Variants in LY86 observed in about 807,000 individuals in gnomAD.
LY86 encodes MD-1, RP105-associated.
A neutral mutation model predicts 17.3 loss-of-function variants in LY86; 20 were observed. The ratio of observed to expected loss-of-function variants is 1.15; its 90% CI spans 0.81 to 1.68. The LOEUF is 1.68. LY86 is among the 40% of genes most tolerant of loss of function. LY86 has a pLI of 0.00. For missense variants in LY86, 200 were observed against 191.9 expected (o/e 1.04, Z -0.25); for synonymous variants, 74 against 70.6 (o/e 1.05, Z -0.24).
intron 1 of LY86, among the ~76,000 whole-genome samples, chr6:6,606,519 A>G (rs1001664144): frequency 2.5e-4 from 38 of 152,184 alleles, no homozygotes; most frequent in African/African-American, 7.5e-4. Flanking sequence ...GCCGTGTAGC[A>G]GGGGGCGGCG....
intron 1 of LY86, among the ~76,000 whole-genome samples, chr6:6,618,734 C>T (rs375351732): frequency 9.2e-5 from 14 of 152,112 alleles, no homozygotes; most frequent in East Asian, 3.9e-4. Context: ...AGTCAATTCC[C>T]GAGGAAATGC....
chr6:6,612,520 A>AGAACAAAC (rs1554124690), intron 1 of LY86, among the ~76,000 whole-genome samples: 2 of 151,858 alleles, frequency 1.3e-5, no homozygotes, highest in Non-Finnish European at 2.9e-5. Flanking sequence ...AAAAAGCAAA[A>AGAACAAAC]GAACAAACCA....
At chr6:6,613,191 A>T (rs866758774) in intron 1 of LY86, among the ~76,000 whole-genome samples, 1 of 152,128 alleles carries the variant, frequency 6.6e-6, no homozygotes, top group Non-Finnish European at 1.5e-5. Flanking sequence ...TTCCCACCAG[A>T]CTCAGGAGCC....
intron 4 of LY86, among the ~76,000 whole-genome samples, chr6:6,650,887 C>T (rs1365553843): frequency 3.3e-5 from 5 of 152,156 alleles, no homozygotes; most frequent in Non-Finnish European, 5.9e-5. Flanking sequence ...CATCCTCTCC[C>T]TCCCCACTCT....
intron 1 of LY86, among the ~76,000 whole-genome samples, chr6:6,606,742 C>A (rs1385884017): frequency 1.3e-5 from 2 of 152,236 alleles, no homozygotes; most frequent in Non-Finnish European, 2.9e-5. Flanking sequence ...TGAGCCCACG[C>A]CCACCCGGAA....
intron 1 of LY86, among the ~76,000 whole-genome samples, chr6:6,606,004 CAA>C (rs376630287): frequency 6.6e-6 from 1 of 152,136 alleles, no homozygotes; most frequent in African/African-American, 2.4e-5. Flanking sequence ...CTGCGAAAAG[CAA>C]AAGAACAAAA....
intron 1 of LY86, among the ~76,000 whole-genome samples, chr6:6,595,855 C>T (rs9502479): frequency 0.015 from 2,255 of 152,136 alleles, 49 homozygotes; most frequent in African/African-American, 0.05. Flanking sequence ...AGTCAGTGAG[C>T]GGGGAGGGGA....
chr6:6,652,596 T>C (rs1352804527), intron 4 of LY86, among the ~76,000 whole-genome samples: 1 of 152,220 alleles, frequency 6.6e-6, no homozygotes, highest in African/African-American at 2.4e-5. Flanking sequence ...TCCCGAAGCA[T>C]GTGGACAACA....
rs771803488 is a variant in LY86, at chr6:6,588,830, C to A, written c.96C>A (p.Val32=). The change falls in exon 1 of 5, where the codon GTC becomes GTA. Residue 32 remains valine (V), a synonymous_variant. Transcript: ENST00000230568. Reference sequence around the variant, plus strand: ...GGAAAGCCTGGCCCACACACGTGGTCTGTAGCGACAGCGGCTTGGAAGTGC... The same window carrying A: ...GGAAAGCCTGGCCCACACACGTGGTATGTAGCGACAGCGGCTTGGAAGTGC... ...GGGKAWPTHV[V]CSDSGLEVLY... 4.3e-6 allele frequency: 7 copies of A among 1,614,160 alleles called. No individual in the cohort carries two copies. The highest frequency in any genetic ancestry group is 1.7e-5 in the Admixed American group (1 of 60,028).
chr6:6,654,433 C>A, intron 4 of LY86, 111 bp from the exon 5 acceptor site: 1 of 788,546 alleles, frequency 1.3e-6, no homozygotes, highest in South Asian at 1.7e-5. Flanking sequence ...CTACGTTATC[C>A]ACAATGTCCA....
chr6:6,603,603 C>CAAAA (rs1207511602), intron 1 of LY86, among the ~76,000 whole-genome samples: 76 of 70,434 alleles, frequency 1.1e-3, no homozygotes, highest in South Asian at 1.7e-3. Context: ...AAAACAGAAA[C>CAAAA]AGAAAAAAAA....
chr6:6,601,301 C>A (rs1760899315), intron 1 of LY86, among the ~76,000 whole-genome samples: 3 of 152,120 alleles, frequency 2.0e-5, no homozygotes, highest in South Asian at 2.1e-4. Context: ...TCCTACTAAA[C>A]CACAGTCATC....
chr6:6,588,816 C>A lies in LY86; in HGVS notation c.82C>A (p.Pro28Thr), dbSNP rs890584475. ...TGGAGGCGGCGGTGGGAAAGCCTGG[C>A]CCACACACGTGGTCTGTAGCGACAG... ...CSGGGGGKAW[P>T]THVVCSDSGL... Residue 28 changes from proline to threonine, a missense_variant, in exon 1 of 5, where the codon CCC (proline) becomes ACC (threonine). By Grantham distance (38) the Pro-to-Thr change is conservative (BLOSUM62 -1). Transcript: ENST00000230568. 7 of 1,614,026 alleles carry A rather than the reference C, an allele frequency of 4.3e-6. No homozygotes were observed. The highest frequency in any genetic ancestry group is 5.9e-6 in the Non-Finnish European group (7 of 1,180,010).
At chr6:6,605,712 C>G (rs1044125795) in intron 1 of LY86, among the ~76,000 whole-genome samples, 1 of 151,938 alleles carries the variant, frequency 6.6e-6, no homozygotes, top group Admixed American at 6.5e-5. Context: ...GCCGCGGAAC[C>G]TCGCGGTGAG....
intron 1 of LY86, among the ~76,000 whole-genome samples, chr6:6,594,690 G>C (rs73365320): frequency 6.6e-6 from 1 of 152,144 alleles, no homozygotes; most frequent in Non-Finnish European, 1.5e-5. Flanking sequence ...TGATTGCAAG[G>C]TATTTATAAG....
At chr6:6,613,433 C>T (rs546682180) in intron 1 of LY86, among the ~76,000 whole-genome samples, 57 of 152,318 alleles carry the variant, frequency 3.7e-4, no homozygotes, top group African/African-American at 1.3e-3. Context: ...TGAGCCCTGC[C>T]GCGCCGGGAG....
chr6:6,630,200 C>G (rs1379536349), intron 3 of LY86, among the ~76,000 whole-genome samples: 1 of 152,230 alleles, frequency 6.6e-6, no homozygotes, highest in Non-Finnish European at 1.5e-5. Context: ...AGAATAAATT[C>G]TCTTCCCCTG....
In LY86 at chr6:6,654,937, G is replaced by T. The variant is rs1341430497; in HGVS notation, c.*310G>T. ...GACTCACCTGCTTTTCAACTTTTTA[G>T]GAGTGCTTCCTCACAGTTACCAAGA... On this transcript the variant is annotated 3_prime_UTR_variant, in exon 5 of 5. Transcript: ENST00000230568. The T allele has an allele frequency of 3.1e-6, 1 of 318,624 alleles. No homozygotes were observed. The highest frequency in any genetic ancestry group is 2.1e-5 in the African/African-American group (1 of 46,740). The allele number at this position is 318,624 out of a possible 1,614,324, so 19.7% of individuals were successfully genotyped here.
intron 3 of LY86, among the ~76,000 whole-genome samples, chr6:6,637,206 T>C (rs536475729): frequency 1.3e-5 from 2 of 152,154 alleles, no homozygotes; most frequent in East Asian, 1.9e-4. Context: ...AGAGACAGGG[T>C]TTCACCTTGT....
Sources: gnomAD v4.1 joint callset for allele counts (sites outside exome capture counted in the v4.1 genomes callset) on GRCh38, gnomAD v4.1.1 for gene constraint, MANE v1.5 for transcripts, NCBI Gene and HGNC (gene_info 2026-07-23, HGNC 2026-07-21) for gene names.